The following SPATS2 variants were observed in gnomAD, a reference collection of about 807,000 sequenced individuals.
SPATS2 encodes the protein spermatogenesis-associated serine-rich protein 2.
SPATS2 carries 38 observed loss-of-function variants against 63.7 expected under a neutral mutation model. The observed-to-expected ratio is 0.60, with a 90% CI of 0.46 to 0.78. The LOEUF is 0.78. Ranked by LOEUF, SPATS2 falls within the 30% of genes least tolerant of loss-of-function variation. The pLI is 0.00. For synonymous variants in SPATS2, 207 were observed against 232.9 expected, an observed-to-expected ratio of 0.89 and a Z score of 1.01; for missense variants, 588 against 666.2, an observed-to-expected ratio of 0.88 and a Z score of 1.29.
At chr12:49,376,709 ATTTTTTTTTTT>A (rs33952223) in intron 2 of SPATS2, among the ~76,000 whole-genome samples, 2 of 55,770 alleles carry the variant, frequency 3.6e-5, no homozygotes, top group Non-Finnish European at 6.1e-5. Context: ...TGTTTTGTTG[ATTTTTTTTTTT>A]TTTTTTTTTT....
intron 9 of SPATS2, among the ~76,000 whole-genome samples, chr12:49,512,120 T>C (rs1946763534): frequency 6.6e-6 from 1 of 152,250 alleles, no homozygotes; most frequent in Middle Eastern, 3.2e-3. Flanking sequence ...AAATTTACTA[T>C]TAAATTTTGA....
intron 9 of SPATS2, chr12:49,512,945 C>G (rs764911152): frequency 1.3e-5 from 17 of 1,278,690 alleles, no homozygotes; most frequent in Non-Finnish European, 1.6e-5. Context: ...TGCTACCCCA[C>G]AATAATTGTA....
intron 2 of SPATS2, among the ~76,000 whole-genome samples, chr12:49,389,200 C>G (rs1016923159): frequency 5.3e-5 from 8 of 152,176 alleles, no homozygotes; most frequent in African/African-American, 1.7e-4. Flanking sequence ...CCTTCTCACG[C>G]AAAGCTTCAA....
intron 2 of SPATS2, among the ~76,000 whole-genome samples, chr12:49,428,893 G>T (rs1945130892): frequency 1.3e-5 from 2 of 152,140 alleles, no homozygotes; most frequent in Non-Finnish European, 1.5e-5. Context: ...GTGTAAGGGG[G>T]TGGTAATAAA....
intron 2 of SPATS2, among the ~76,000 whole-genome samples, chr12:49,402,351 G>A (rs1246853219): frequency 6.6e-6 from 1 of 152,172 alleles, no homozygotes; most frequent in African/African-American, 2.4e-5. Context: ...GATGTAAGAG[G>A]GGAATGGGAT....
chr12:49,380,453 C>T (rs1263278351), intron 2 of SPATS2, among the ~76,000 whole-genome samples: 1 of 152,158 alleles, frequency 6.6e-6, no homozygotes, highest in Non-Finnish European at 1.5e-5. Flanking sequence ...CACCTGTAAT[C>T]TCAGCACTTT....
chr12:49,460,605 T>C (rs1274190219), intron 2 of SPATS2, among the ~76,000 whole-genome samples, 165 bp from the exon 3 acceptor site: 2 of 152,230 alleles, frequency 1.3e-5, no homozygotes, highest in African/African-American at 2.4e-5. Flanking sequence ...AAGATTAACT[T>C]TTCTTAAGAA....
chr12:49,445,882 T>C (rs1157032788), intron 2 of SPATS2, among the ~76,000 whole-genome samples: 2 of 152,060 alleles, frequency 1.3e-5, no homozygotes, highest in Non-Finnish European at 2.9e-5. Context: ...GGAATGTTGA[T>C]CTGTAGTGTT....
At chr12:49,386,258 T>C (rs2137218913) in intron 2 of SPATS2, among the ~76,000 whole-genome samples, 1 of 151,938 alleles carries the variant, frequency 6.6e-6, no homozygotes, top group East Asian at 1.9e-4. Context: ...TCCGCCTCCT[T>C]GGTTCAAGCC....
rs567519770 is a variant in SPATS2, at chr12:49,392,773, C to T, written c.-244+21483C>T. Among the ~76,000 whole-genome samples the T allele has an allele frequency of 6.5e-4, 99 of 151,758 alleles. 2 individuals carry two copies. In the South Asian group the frequency reaches 0.017, roughly 27 times the overall value. On this transcript the variant is annotated intron_variant, in intron 2 of 13. Transcript: ENST00000552918. ...TCCACAGATAAAAATAGAAGTAGGC[C>T]GGGCGCGATGGCTCACGCCTGTAAT...
At chr12:49,419,744 T>C (rs536871421) in intron 2 of SPATS2, among the ~76,000 whole-genome samples, 2 of 152,354 alleles carry the variant, frequency 1.3e-5, no homozygotes, top group African/African-American at 2.4e-5. Flanking sequence ...ATATGACATA[T>C]ACTAGTAGAA....
intron 1 of SPATS2, among the ~76,000 whole-genome samples, chr12:49,368,616 A>G (rs78097831): frequency 0.11 from 16,034 of 152,234 alleles, 957 homozygotes; most frequent in African/African-American, 0.16. Flanking sequence ...TCTGCCTTAA[A>G]TTATTTCTTG....
intron 2 of SPATS2, among the ~76,000 whole-genome samples, chr12:49,425,765 G>T (rs1945063963): frequency 6.6e-6 from 1 of 152,162 alleles, no homozygotes; most frequent in Non-Finnish European, 1.5e-5. Flanking sequence ...AAGTAGCTGG[G>T]ATTACAGGCG....
At chr12:49,376,735 T>C (rs1045050961) in intron 2 of SPATS2, among the ~76,000 whole-genome samples, 1 of 79,332 alleles carries the variant, frequency 1.3e-5, no homozygotes, top group Non-Finnish European at 2.5e-5. Flanking sequence ...TTTTTTTTTT[T>C]GAGACGGAGT....
chr12:49,524,729 G>A lies in SPATS2; in HGVS notation c.1159G>A (p.Val387Ile). 3 of 1,614,150 alleles carry A rather than the reference G, an allele frequency of 1.9e-6. No homozygotes were observed. The highest frequency in any genetic ancestry group is 2.5e-6 in the Non-Finnish European group (3 of 1,180,032). Residue 387 changes from valine to isoleucine, a missense_variant, in exon 13 of 14, where the codon GTT becomes ATT. Physicochemically the swap from Val to Ile is conservative, Grantham distance 29. Transcript: ENST00000552918. ...TTCGACCAGATCCCGATGTAGCTCA[G>A]TTACATCTGTGTCCTTGAGTAGCCC... ...SYSTRSRCSS[V>I]TSVSLSSPSD...
At chr12:49,393,841 T>A (rs1443697832) in intron 2 of SPATS2, among the ~76,000 whole-genome samples, 1 of 152,152 alleles carries the variant, frequency 6.6e-6, no homozygotes, top group Admixed American at 6.5e-5. Context: ...CATGTCCTGC[T>A]ATTTTTATGT....
chr12:49,467,055 T>G (rs1213382292), intron 3 of SPATS2, among the ~76,000 whole-genome samples: 9 of 134,464 alleles, frequency 6.7e-5, no homozygotes, highest in South Asian at 2.6e-4. Context: ...TTTTTTTTTT[T>G]TTTTTTTTTT....
intron 2 of SPATS2, among the ~76,000 whole-genome samples, chr12:49,402,619 A>G (rs1286435301): frequency 2.6e-5 from 4 of 152,198 alleles, no homozygotes; most frequent in African/African-American, 9.6e-5. Context: ...ACAGTCATCT[A>G]TATGAACATT....
chr12:49,423,997 G>A (rs1393128817), intron 2 of SPATS2, among the ~76,000 whole-genome samples: 1 of 152,188 alleles, frequency 6.6e-6, no homozygotes, highest in Non-Finnish European at 1.5e-5. Flanking sequence ...GAGGTTAGGA[G>A]TTTGAGACCA....
Sources: gnomAD v4.1 joint callset for allele counts (sites outside exome capture counted in the v4.1 genomes callset) on GRCh38, gnomAD v4.1.1 for gene constraint, MANE v1.5 for transcripts, NCBI Gene and HGNC (gene_info 2026-07-23, HGNC 2026-07-21) for gene names.